The following AMOTL1 variants were observed in gnomAD, a reference collection of about 807,000 sequenced individuals.
AMOTL1 encodes the protein angiomotin like 1, also known as angiomotin-like protein 1.
Under a neutral mutation model 102.9 loss-of-function variants are expected in AMOTL1, and 45 were observed. That is an observed-to-expected ratio of 0.44 (90% CI 0.34 to 0.56). The LOEUF (loss-of-function observed/expected upper bound fraction) is 0.56. Among genes scored for constraint, AMOTL1 ranks in the 20% least tolerant of loss-of-function variants. AMOTL1 has a pLI of 0.01. For missense variants in AMOTL1, 1,114 were observed against 1,225.6 expected (o/e 0.91, Z 1.36); for synonymous variants, 481 against 484.7 (o/e 0.99, Z 0.10).
At chr11:94,749,432 T>G (rs1950625575) in intron 3 of AMOTL1, among the ~76,000 whole-genome samples, 1 of 152,156 alleles carries the variant, frequency 6.6e-6, no homozygotes, top group African/African-American at 2.4e-5. Context: ...GTCTACCTAC[T>G]CAAATGCCAG....
chr11:94,821,906 T>C, intron 4 of AMOTL1, 85 bp downstream of exon 4: 2 of 1,530,670 alleles, frequency 1.3e-6, no homozygotes, highest in Non-Finnish European at 1.8e-6. Flanking sequence ...CTTGCCAACA[T>C]TGCAGTAGAC....
chr11:94,796,294 A>ATTT (rs1427538132), intron 2 of AMOTL1, among the ~76,000 whole-genome samples: 2 of 152,326 alleles, frequency 1.3e-5, no homozygotes, highest in East Asian at 3.9e-4. Context: ...TAAGGGTGAC[A>ATTT]GGGAGAGCCT....
At chr11:94,713,219 T>C (rs1277632446) in intron 1 of AMOTL1, among the ~76,000 whole-genome samples, 1 of 151,896 alleles carries the variant, frequency 6.6e-6, no homozygotes, top group African/African-American at 2.4e-5. Context: ...GATGTGCCTA[T>C]ATCTCTGACA....
At chr11:94,780,357 A>G (rs1268381265) in intron 1 of AMOTL1, among the ~76,000 whole-genome samples, 2 of 152,210 alleles carry the variant, frequency 1.3e-5, no homozygotes, top group African/African-American at 2.4e-5. Context: ...TGACAATACC[A>G]TGTAGCCTTT....
chr11:94,710,045 C>CA (rs1296098295), intron 1 of AMOTL1, among the ~76,000 whole-genome samples: 1 of 152,216 alleles, frequency 6.6e-6, no homozygotes, highest in Non-Finnish European at 1.5e-5. Flanking sequence ...TTCTCACACT[C>CA]ACACATACAC....
At chr11:94,751,715 GA>G (rs1950656881) in intron 3 of AMOTL1, among the ~76,000 whole-genome samples, 1 of 145,798 alleles carries the variant, frequency 6.9e-6, no homozygotes, top group Non-Finnish European at 1.5e-5. Context: ...AAAAAAAAAA[GA>G]TCAAGGAAAG....
chr11:94,788,556 T>G (rs1951231193), intron 1 of AMOTL1, among the ~76,000 whole-genome samples: 1 of 152,202 alleles, frequency 6.6e-6, no homozygotes, highest in Non-Finnish European at 1.5e-5. Context: ...CTATGTCCCT[T>G]CCGTCAGTCA....
intron 1 of AMOTL1, among the ~76,000 whole-genome samples, chr11:94,718,670 A>G (rs999870026): frequency 1.3e-5 from 2 of 151,964 alleles, no homozygotes; most frequent in African/African-American, 4.8e-5. Context: ...GTTGCATTGA[A>G]TATCTTTTTA....
At chr11:94,848,804 C>A (rs947738573) in intron 6 of AMOTL1, among the ~76,000 whole-genome samples, 3 of 152,180 alleles carry the variant, frequency 2.0e-5, no homozygotes, top group Non-Finnish European at 4.4e-5. Context: ...TATTTAAAAC[C>A]ACATTTTTCT....
intron 1 of AMOTL1, among the ~76,000 whole-genome samples, chr11:94,714,739 T>C (rs11020920): frequency 0.23 from 35,531 of 152,016 alleles, 5,153 homozygotes; most frequent in Middle Eastern, 0.33. Context: ...ATATTGGTAA[T>C]TTGTGTCTTC....
intron 3 of AMOTL1, among the ~76,000 whole-genome samples, chr11:94,809,351 G>A (rs1951629675): frequency 6.6e-6 from 1 of 152,170 alleles, no homozygotes. Context: ...GTACCCAATA[G>A]CCTAGTGGTT....
At chr11:94,786,741 C>T (rs771275268) in intron 1 of AMOTL1, among the ~76,000 whole-genome samples, 2 of 152,134 alleles carry the variant, frequency 1.3e-5, no homozygotes, top group Non-Finnish European at 1.5e-5. Context: ...CAGCTTTTAC[C>T]TTCGTTTCCT....
intron 4 of AMOTL1, among the ~76,000 whole-genome samples, chr11:94,828,819 A>G (rs1952017068): frequency 6.6e-6 from 1 of 152,164 alleles, no homozygotes; most frequent in Non-Finnish European, 1.5e-5. Context: ...GGAAGGACTG[A>G]AAACATGGCT....
In AMOTL1 at chr11:94,853,937, G is replaced by A. The variant is rs781718286; in HGVS notation, c.1799G>A (p.Arg600Gln). 11 of 1,608,236 alleles carry A rather than the reference G, an allele frequency of 6.8e-6. No individual in the cohort carries two copies. The highest frequency in any genetic ancestry group is 5.3e-5 in the African/African-American group (4 of 74,856). The change falls in exon 8 of 13, where the codon CGA becomes CAA. Residue 600 changes from arginine to glutamine, a missense_variant. Transcript: ENST00000433060. Reference protein sequence around the residue: ...ARVIKLEEELREKQAYVEKVE... With the variant: ...ARVIKLEEELQEKQAYVEKVE... The stretch of plus-strand genomic sequence containing the variant: ...TTTTTACTCTTCTCCACTCAGTTAC[G>A]AGAGAAGCAAGCATATGTTGAGAAA...
intron 11 of AMOTL1, among the ~76,000 whole-genome samples, chr11:94,867,857 C>G (rs1223675110): frequency 6.6e-6 from 1 of 152,216 alleles, no homozygotes; most frequent in Non-Finnish European, 1.5e-5. Context: ...ATAGGTTGGA[C>G]TCCAAGTCAG....
chr11:94,840,932 A>G (rs1488658939), intron 6 of AMOTL1, among the ~76,000 whole-genome samples: 2 of 152,048 alleles, frequency 1.3e-5, no homozygotes, highest in African/African-American at 2.4e-5. Context: ...TACAGAACTT[A>G]TATAGCTAGT....
intron 1 of AMOTL1, among the ~76,000 whole-genome samples, chr11:94,770,190 G>A (rs1950926040): frequency 6.6e-6 from 1 of 152,186 alleles, no homozygotes; most frequent in Non-Finnish European, 1.5e-5. Context: ...GAGCTCTCTA[G>A]ATTGCAAGGT....
At chr11:94,791,377 A>G (rs907162946) in intron 1 of AMOTL1, among the ~76,000 whole-genome samples, 2 of 152,224 alleles carry the variant, frequency 1.3e-5, no homozygotes, top group East Asian at 1.9e-4. Context: ...GACTCCCCAG[A>G]GAGCTGACTC....
intron 3 of AMOTL1, among the ~76,000 whole-genome samples, chr11:94,803,059 C>T (rs1262779995): frequency 6.6e-6 from 1 of 152,204 alleles, no homozygotes; most frequent in Non-Finnish European, 1.5e-5. Flanking sequence ...ATCATGGAGT[C>T]CATCTCCCTG....
Sources: gnomAD v4.1 joint callset for allele counts (sites outside exome capture counted in the v4.1 genomes callset) on GRCh38, gnomAD v4.1.1 for gene constraint, MANE v1.5 for transcripts, NCBI Gene and HGNC (gene_info 2026-07-23, HGNC 2026-07-21) for gene names.